MYO1B: variants seen among roughly 807,000 people sequenced by gnomAD.
The protein encoded by MYO1B is myosin IB.
MYO1B carries 72 observed loss-of-function variants against 159.7 expected under a neutral mutation model. The ratio of observed to expected loss-of-function variants is 0.45; its 90% CI spans 0.37 to 0.55. The LOEUF (loss-of-function observed/expected upper bound fraction) is 0.55, where lower values mean the gene tolerates loss of function less well. MYO1B is among the 20% of genes least tolerant of loss of function. The pLI is 0.00. For synonymous variants in MYO1B, 468 were observed against 473.8 expected (o/e 0.99, Z 0.16); for missense variants, 1,062 against 1,364.8 (o/e 0.78, Z 3.50).
At chr2:191,327,826 C>CT (rs1337890615) in intron 3 of MYO1B, among the ~76,000 whole-genome samples, 2 of 152,170 alleles carry the variant, frequency 1.3e-5, no homozygotes, top group Non-Finnish European at 2.9e-5. Flanking sequence ...CTTTTTATTA[C>CT]TTTTTTTCTG....
chr2:191,412,788 A>G (rs146819547), intron 27 of MYO1B, among the ~76,000 whole-genome samples: 39 of 152,326 alleles, frequency 2.6e-4, no homozygotes, highest in East Asian at 1.9e-4. Flanking sequence ...CTTTAGGGAA[A>G]TTGATATCTT....
chr2:191,393,053 C>T lies in MYO1B; in HGVS notation c.2077-20C>T. 1.9e-6 allele frequency: 3 copies of T among 1,601,842 alleles called. No individual in the cohort carries two copies. The highest frequency in any genetic ancestry group is 1.1e-5 in the South Asian group (1 of 89,242). ...GGTTTCAGAGGATTTTTGATAAGTC[C>T]ATCTATCATTTCTTATTAGTTATTC... is the stretch of plus-strand genomic sequence containing the variant. On this transcript the variant is annotated intron_variant, in intron 19 of 30. Coordinates refer to ENST00000392318, the MANE Select transcript of MYO1B (RefSeq NM_001130158.3).
intron 4 of MYO1B, among the ~76,000 whole-genome samples, chr2:191,332,940 A>G (rs1356682335): frequency 6.6e-6 from 1 of 152,134 alleles, no homozygotes; most frequent in East Asian, 1.9e-4. Context: ...ACCTAATTTA[A>G]TGGCTGCCAT....
At chr2:191,387,142 A>G (rs1695443457) in intron 16 of MYO1B, 82 bp from the exon 17 acceptor site, 5 of 1,361,920 alleles carry the variant, frequency 3.7e-6, no homozygotes, top group Non-Finnish European at 5.1e-6. Context: ...TGCAATGTAG[A>G]TAGTCTTGGA....
intron 2 of MYO1B, among the ~76,000 whole-genome samples, chr2:191,294,665 GT>G (rs1688875231): frequency 6.6e-6 from 1 of 151,076 alleles, no homozygotes; most frequent in Non-Finnish European, 1.5e-5. Context: ...GTGATAGAAT[GT>G]TAGAAATAAA....
chr2:191,392,260 T>A, intron 19 of MYO1B, 59 bp downstream of exon 19: 1 of 1,276,828 alleles, frequency 7.8e-7, no homozygotes, highest in Non-Finnish European at 1.1e-6. Context: ...GGAAAGTTCT[T>A]AAAATATGTT....
chr2:191,274,739 C>T (rs1283340742), intron 1 of MYO1B, among the ~76,000 whole-genome samples: 1 of 152,124 alleles, frequency 6.6e-6, no homozygotes, highest in African/African-American at 2.4e-5. Context: ...TGGACTCTGG[C>T]TCTGGCTTCA....
intron 2 of MYO1B, among the ~76,000 whole-genome samples, chr2:191,280,772 G>A (rs1250819053): frequency 6.6e-6 from 1 of 152,208 alleles, no homozygotes; most frequent in Non-Finnish European, 1.5e-5. Flanking sequence ...GGCAGTGGAT[G>A]CCGAGGAGCC....
chr2:191,403,010 G>A (rs1476434905), intron 24 of MYO1B, among the ~76,000 whole-genome samples: 1 of 152,072 alleles, frequency 6.6e-6, no homozygotes, highest in Non-Finnish European at 1.5e-5. Context: ...GTGTAAAGTT[G>A]TTTTTTTAAA....
chr2:191,297,055 T>C (rs927197196), intron 3 of MYO1B, among the ~76,000 whole-genome samples: 1 of 152,202 alleles, frequency 6.6e-6, no homozygotes, highest in Non-Finnish European at 1.5e-5. Flanking sequence ...ACTTTTTATT[T>C]CTCAAAAAAC....
intron 13 of MYO1B, among the ~76,000 whole-genome samples, chr2:191,375,891 G>A (rs1251439673): frequency 1.3e-5 from 2 of 151,572 alleles, no homozygotes; most frequent in African/African-American, 2.4e-5. Context: ...CCCGGGAGAC[G>A]GAGGTTGCAG....
chr2:191,411,173 G>A lies in MYO1B; in HGVS notation c.2873+1G>A, dbSNP rs1697229673. 6.4e-7 allele frequency: 1 copy of A among 1,552,306 alleles called. No homozygotes were observed. The highest frequency in any genetic ancestry group is 1.4e-5 in the African/African-American group (1 of 72,122). ...ACAAGAAGGCTTTATACCCATCTAG[G>A]TATTATGGCTTTGCTTTACCCATAA... is the stretch of plus-strand genomic sequence containing the variant. On this transcript the variant is annotated splice_donor_variant, in intron 27 of 30. Transcript: ENST00000392318. LOFTEE classifies it high-confidence loss of function.
At chr2:191,330,864 T>C (rs1050326161) in intron 4 of MYO1B, among the ~76,000 whole-genome samples, 2 of 152,230 alleles carry the variant, frequency 1.3e-5, no homozygotes, top group East Asian at 3.8e-4. Context: ...GGTGGAATTT[T>C]AAATGTTTCT....
intron 3 of MYO1B, among the ~76,000 whole-genome samples, chr2:191,310,074 G>T (rs1487241949): frequency 6.6e-6 from 1 of 152,226 alleles, no homozygotes; most frequent in Non-Finnish European, 1.5e-5. Context: ...GTCCATTCTA[G>T]TTGTGGGTTG....
chr2:191,353,357 A>T (rs183937817), intron 7 of MYO1B, among the ~76,000 whole-genome samples: 110 of 152,342 alleles, frequency 7.2e-4, no homozygotes, highest in African/African-American at 2.5e-3. Flanking sequence ...TAAAATTAAC[A>T]TCACAGGCAT....
At chr2:191,397,532 C>G (rs549007340) in intron 21 of MYO1B, among the ~76,000 whole-genome samples, 231 of 152,020 alleles carry the variant, frequency 1.5e-3, no homozygotes, top group Non-Finnish European at 2.4e-3. Flanking sequence ...TCAACAGGAT[C>G]CCAAGGCAGA....
chr2:191,350,829 AC>A (rs1224171688), intron 7 of MYO1B, among the ~76,000 whole-genome samples: 1 of 149,306 alleles, frequency 6.7e-6, no homozygotes, highest in Non-Finnish European at 1.5e-5. Flanking sequence ...CAAAAAAAAC[AC>A]AATCAGATGA....
At chr2:191,286,335 T>G (rs1688368390) in intron 2 of MYO1B, among the ~76,000 whole-genome samples, 1 of 150,322 alleles carries the variant, frequency 6.7e-6, no homozygotes. Context: ...GACCATACTG[T>G]GTCTTTAAAA....
At chr2:191,405,640 A>G (rs1696871519) in intron 24 of MYO1B, among the ~76,000 whole-genome samples, 2 of 152,226 alleles carry the variant, frequency 1.3e-5, no homozygotes, top group Non-Finnish European at 2.9e-5. Context: ...GTATATCTCC[A>G]TCAGAGCTCT....
Sources: allele counts gnomAD v4.1 joint callset (sites outside exome capture counted in the v4.1 genomes callset), GRCh38; gene constraint gnomAD v4.1.1; transcripts MANE v1.5; gene names NCBI Gene and HGNC (gene_info 2026-07-23, HGNC 2026-07-21).